CEP128: variants seen among roughly 807,000 people sequenced by gnomAD.
CEP128 encodes centrosomal protein 128.
Under a neutral mutation model 156.7 loss-of-function variants are expected in CEP128, and 132 were observed. The observed-to-expected ratio is 0.84, with a 90% CI of 0.73 to 0.97. CEP128 has a LOEUF of 0.97. CEP128 is among the 50% of genes least tolerant of loss of function. The probability of loss-of-function intolerance (pLI) is 0.00; values close to 1 mark genes in which losing one functional copy is unlikely to be tolerated. For missense variants in CEP128, 1,252 were observed against 1,281.9 expected, an observed-to-expected ratio of 0.98 and a Z score of 0.36; for synonymous variants, 469 against 448.9, an observed-to-expected ratio of 1.04 and a Z score of -0.57.
intron 6 of CEP128, among the ~76,000 whole-genome samples, chr14:80,490,875 T>C (rs10220537): frequency 0.49 from 74,666 of 152,076 alleles, 19,304 homozygotes; most frequent in Middle Eastern, 0.71. Context: ...GGTTCTTGAA[T>C]TTGACCATTG....
At position 80,757,061 on chromosome 14, in the gene CEP128, T is replaced by C. The variant is rs1469672991; in HGVS notation, c.2554-110A>G. ...AAAGTTTAGTTCCCCAATTTAAGGA[T>C]TTAAAAAGAAAAATTGTTGCCCCAA... is the stretch of plus-strand genomic sequence containing the variant. On this transcript the variant is annotated intron_variant, in intron 17 of 24. Coordinates refer to ENST00000555265, the MANE Select transcript of CEP128 (RefSeq NM_152446.5). The C allele has an allele frequency of 4.3e-6, 3 of 695,600 alleles. No homozygotes were observed. The South Asian group carries it at 6.5e-5, about 15-fold the overall frequency. The allele number at this position is 695,600 out of a possible 1,614,324, so 43.1% of individuals were successfully genotyped here.
At chr14:80,904,666 T>G (rs941571828) in intron 6 of CEP128, 147 bp downstream of exon 6, 2 of 574,032 alleles carry the variant, frequency 3.5e-6, no homozygotes, top group Non-Finnish European at 6.3e-6. Context: ...AGTCGTTTAC[T>G]TGGTTCCAAA....
At chr14:80,611,403 T>C (rs539422695) in intron 19 of CEP128, among the ~76,000 whole-genome samples, 2 of 152,032 alleles carry the variant, frequency 1.3e-5, no homozygotes, top group South Asian at 4.1e-4. Flanking sequence ...CTATAGATTA[T>C]GGCCAACTTG....
Position 80,916,423 on chromosome 14 carries a change from T to G in CEP128, c.125A>C (p.Asn42Thr). The G allele has an allele frequency of 6.2e-7, 1 of 1,614,044 alleles. No individual in the cohort carries two copies. The highest frequency in any genetic ancestry group is 8.5e-7 in the Non-Finnish European group (1 of 1,179,942). The change falls in exon 3 of 25, where the codon AAC (asparagine) becomes ACC (threonine). Residue 42 changes from asparagine to threonine, a missense_variant. Asn to Thr is a moderately conservative substitution (Grantham distance 65). Transcript: ENST00000555265. ...LPTVEVTEKV[N>T]TITSTLQDTS... ...AACCTGTAAAGTACTTGTTATAGTG[T>G]TGACCTTCTCGGTAACTTCTACTGT...
intron 23 of CEP128, among the ~76,000 whole-genome samples, chr14:80,505,404 T>C (rs932686527): frequency 1.3e-5 from 2 of 152,202 alleles, no homozygotes; most frequent in Non-Finnish European, 2.9e-5. Flanking sequence ...CCATATTTTA[T>C]TGGCATTTAG....
chr14:80,749,005 A>ATAG (rs1403089296), intron 18 of CEP128, among the ~76,000 whole-genome samples: 1 of 152,156 alleles, frequency 6.6e-6, no homozygotes, highest in African/African-American at 2.4e-5. Flanking sequence ...TAGTCAGACA[A>ATAG]TAGTCACCAT....
intron 19 of CEP128, among the ~76,000 whole-genome samples, chr14:80,705,669 G>A (rs1897217848): frequency 6.6e-6 from 1 of 152,094 alleles, no homozygotes; most frequent in Non-Finnish European, 1.5e-5. Context: ...GGTTAGAAAA[G>A]GCAATGAGAT....
intron 13 of CEP128, among the ~76,000 whole-genome samples, chr14:80,799,971 T>C (rs996700691): frequency 2.4e-4 from 36 of 152,220 alleles, no homozygotes; most frequent in Non-Finnish European, 3.8e-4. Flanking sequence ...CTCAGAAGCA[T>C]GTGATCTTTG....
At chr14:80,872,572 A>C (rs565291971) in intron 8 of CEP128, among the ~76,000 whole-genome samples, 13 of 152,354 alleles carry the variant, frequency 8.5e-5, no homozygotes, top group Middle Eastern at 3.4e-3. Context: ...AGAAAGTGAA[A>C]TTGGCAAGAA....
downstream of CEP128, among the ~76,000 whole-genome samples, chr14:80,489,536 C>T (rs545061078): frequency 3.9e-5 from 6 of 152,260 alleles, no homozygotes; most frequent in Non-Finnish European, 8.8e-5. Flanking sequence ...TCAACCCCAG[C>T]AGACTCCCCC....
chr14:80,897,860 T>C (rs906290972), intron 7 of CEP128, among the ~76,000 whole-genome samples: 3 of 152,094 alleles, frequency 2.0e-5, no homozygotes, highest in Non-Finnish European at 4.4e-5. Context: ...TCAATGCAGC[T>C]TCAACCTCCT....
intron 19 of CEP128, among the ~76,000 whole-genome samples, chr14:80,606,832 T>C (rs879415184): frequency 6.6e-6 from 1 of 151,912 alleles, no homozygotes; most frequent in Admixed American, 6.6e-5. Context: ...ATATAATATA[T>C]AGGTAATGTA....
intron 16 of CEP128, among the ~76,000 whole-genome samples, chr14:80,765,137 G>A (rs959739957): frequency 2.0e-5 from 3 of 152,128 alleles, no homozygotes; most frequent in Non-Finnish European, 4.4e-5. Context: ...TAGAGTAAAC[G>A]ACACAGACAG....
chr14:80,828,146 T>TG (rs1218215757), intron 13 of CEP128, among the ~76,000 whole-genome samples: 3 of 141,454 alleles, frequency 2.1e-5, no homozygotes, highest in African/African-American at 8.6e-5. Context: ...TTTTTTGAGA[T>TG]GGAGTCTCAC....
rs138197098 is a variant in CEP128, at chr14:80,547,681, A to G, written c.2880+11598T>C. Among the ~76,000 whole-genome samples, 7 of 152,268 alleles carry G rather than the reference A, an allele frequency of 4.6e-5. No individual in the cohort carries two copies. The East Asian group carries it at 1.2e-3, about 25-fold the overall frequency. On this transcript the variant is annotated intron_variant, in intron 21 of 24. Coordinates refer to ENST00000555265, the MANE Select transcript of CEP128 (RefSeq NM_152446.5). The stretch of plus-strand genomic sequence containing the variant: ...TAATAAATATCTCATACATAATATA[A>G]TATGATTAAACTAGGGTAAGTTGTT...
chr14:80,806,107 C>T (rs1884161565), intron 13 of CEP128, among the ~76,000 whole-genome samples: 1 of 152,228 alleles, frequency 6.6e-6, no homozygotes, highest in East Asian at 1.9e-4. Flanking sequence ...ACCACATATG[C>T]CATTATCATT....
intron 19 of CEP128, among the ~76,000 whole-genome samples, chr14:80,664,290 A>G (rs1476115657): frequency 6.6e-6 from 1 of 152,206 alleles, no homozygotes. Context: ...CAATAGACAG[A>G]GTTCAGGTCA....
At chr14:80,889,130 G>A (rs1351006094) in intron 8 of CEP128, among the ~76,000 whole-genome samples, 1 of 152,078 alleles carries the variant, frequency 6.6e-6, no homozygotes, top group Non-Finnish European at 1.5e-5. Flanking sequence ...AAATAAGAGA[G>A]GACACAAACA....
At chr14:80,950,409 A>C (rs1325869996) in intron 2 of CEP128, among the ~76,000 whole-genome samples, 1 of 152,200 alleles carries the variant, frequency 6.6e-6, no homozygotes, top group African/African-American at 2.4e-5. Flanking sequence ...TAGATGTTCA[A>C]AAAGTGTTAT....
Sources: allele counts gnomAD v4.1 joint callset (sites outside exome capture counted in the v4.1 genomes callset), GRCh38; gene constraint gnomAD v4.1.1; transcripts MANE v1.5; gene names NCBI Gene and HGNC (gene_info 2026-07-23, HGNC 2026-07-21).